MAPK10: variants seen among roughly 807,000 people sequenced by gnomAD.
MAPK10 encodes the protein mitogen-activated protein kinase 10, also known as JNK3 alpha protein kinase.
MAPK10 carries 25 observed loss-of-function variants against 59.3 expected under a neutral mutation model. That is an observed-to-expected ratio of 0.42 (90% CI 0.31 to 0.59). The LOEUF is 0.59. Ranked by LOEUF, MAPK10 falls within the 20% of genes least tolerant of loss-of-function variation. The probability of loss-of-function intolerance (pLI) is 0.15; values close to 1 mark genes in which losing one functional copy is unlikely to be tolerated. For missense variants in MAPK10, 351 were observed against 568.9 expected (o/e 0.62, Z 3.90); for synonymous variants, 190 against 200.5 (o/e 0.95, Z 0.44).
intron 1 of MAPK10, among the ~76,000 whole-genome samples, chr4:86,548,821 A>G (rs1471179951): frequency 1.3e-5 from 2 of 152,202 alleles, no homozygotes; most frequent in Non-Finnish European, 2.9e-5. Flanking sequence ...GAACAATAAG[A>G]CAGCTTAGAA....
At chr4:86,046,192 AG>A (rs2042464837) in intron 11 of MAPK10, among the ~76,000 whole-genome samples, 1 of 151,780 alleles carries the variant, frequency 6.6e-6, no homozygotes, top group South Asian at 2.1e-4. Context: ...TATCAGCTTA[AG>A]GAGATTTTGG....
intron 2 of MAPK10, among the ~76,000 whole-genome samples, chr4:86,238,198 G>T (rs2092428383): frequency 6.6e-6 from 1 of 152,030 alleles, no homozygotes; most frequent in Non-Finnish European, 1.5e-5. Flanking sequence ...CTGCTCTATT[G>T]GTCTATATGT....
At chr4:86,171,414 A>G (rs956362962) in intron 3 of MAPK10, among the ~76,000 whole-genome samples, 3 of 152,036 alleles carry the variant, frequency 2.0e-5, no homozygotes, top group African/African-American at 7.3e-5. Flanking sequence ...GCCCTCAGAA[A>G]TAACGCTGCA....
intron 2 of MAPK10, among the ~76,000 whole-genome samples, chr4:86,255,031 T>G (rs1386450736): frequency 6.6e-6 from 1 of 152,028 alleles, no homozygotes; most frequent in Admixed American, 6.6e-5. Flanking sequence ...GAGTAACATA[T>G]CCTTGGGATT....
At chr4:86,090,993 A>G (rs1474037238) in intron 9 of MAPK10, 3 of 152,056 alleles carry the variant, frequency 2.0e-5, no homozygotes, top group African/African-American at 4.8e-5. Context: ...CTTTCCAACT[A>G]TGTGACCTTG....
intron 2 of MAPK10, among the ~76,000 whole-genome samples, chr4:86,276,878 C>T (rs1237424422): frequency 6.6e-6 from 1 of 152,132 alleles, no homozygotes; most frequent in African/African-American, 2.4e-5. Flanking sequence ...AGTTGCAGCA[C>T]CAGGATTTGG....
chr4:86,246,938 G>C (rs1162086731), intron 2 of MAPK10, among the ~76,000 whole-genome samples: 3 of 152,204 alleles, frequency 2.0e-5, no homozygotes, highest in Non-Finnish European at 4.4e-5. Context: ...AACATCCCGT[G>C]ATGCTCCAGG....
intron 4 of MAPK10, among the ~76,000 whole-genome samples, chr4:86,117,204 T>A (rs1311050276): frequency 6.6e-6 from 1 of 151,806 alleles, no homozygotes. Context: ...AGCCCGAGAG[T>A]TCAAGACCAG....
chr4:86,543,195 T>C (rs1387817336), intron 1 of MAPK10, among the ~76,000 whole-genome samples: 2 of 152,108 alleles, frequency 1.3e-5, no homozygotes, highest in Admixed American at 1.3e-4. Context: ...AAGAAGTAGG[T>C]GCATTGAGAA....
At chr4:86,097,787 C>T (rs1344275212) in intron 9 of MAPK10, among the ~76,000 whole-genome samples, 1 of 151,954 alleles carries the variant, frequency 6.6e-6, no homozygotes, top group African/African-American at 2.4e-5. Flanking sequence ...TTTGATAATT[C>T]CAAATCATAG....
chr4:86,398,685 G>A (rs2149015503), intron 1 of MAPK10, among the ~76,000 whole-genome samples: 1 of 152,210 alleles, frequency 6.6e-6, no homozygotes. Context: ...CTGAAATTTA[G>A]GGTAAAATTG....
intron 3 of MAPK10, among the ~76,000 whole-genome samples, chr4:86,172,838 C>G (rs1182251989): frequency 6.6e-6 from 1 of 150,808 alleles, no homozygotes; most frequent in Non-Finnish European, 1.5e-5. Context: ...AAGCAGAGGG[C>G]CAAATCATGA....
intron 3 of MAPK10, among the ~76,000 whole-genome samples, chr4:86,184,013 T>G (rs1020604366): frequency 6.6e-6 from 1 of 152,208 alleles, no homozygotes; most frequent in African/African-American, 2.4e-5. Context: ...TAAATTTGTT[T>G]GAGTTCATTG....
intron 1 of MAPK10, among the ~76,000 whole-genome samples, chr4:86,506,966 T>C (rs556445989): frequency 6.6e-6 from 1 of 152,272 alleles, no homozygotes; most frequent in East Asian, 1.9e-4. Flanking sequence ...AGTATATATA[T>C]GCTTGAGGCT....
At chr4:86,143,486 C>T (rs1472812470) in intron 4 of MAPK10, among the ~76,000 whole-genome samples, 1 of 152,180 alleles carries the variant, frequency 6.6e-6, no homozygotes, top group African/African-American at 2.4e-5. Flanking sequence ...TTCCCTGGAA[C>T]TATGCAGGAA....
chr4:86,498,643 C>G (rs937399413), intron 1 of MAPK10, among the ~76,000 whole-genome samples: 1 of 152,184 alleles, frequency 6.6e-6, no homozygotes, highest in Non-Finnish European at 1.5e-5. Flanking sequence ...CATAACAGCA[C>G]TGCTATAATA....
chr4:86,102,074 T>C (rs1580273644), intron 6 of MAPK10, 42 bp from the exon 7 acceptor site: 1 of 1,584,216 alleles, frequency 6.3e-7, no homozygotes, highest in Non-Finnish European at 8.7e-7. Flanking sequence ...GATCACAAGA[T>C]CTATGAAGTC....
chr4:86,464,442 T>C (rs1752014914), intron 1 of MAPK10, among the ~76,000 whole-genome samples: 1 of 152,236 alleles, frequency 6.6e-6, no homozygotes, highest in African/African-American at 2.4e-5. Flanking sequence ...TCCACACAAT[T>C]AATTGAAAAT....
At chr4:86,410,439 C>G (rs1744992676) in intron 1 of MAPK10, among the ~76,000 whole-genome samples, 1 of 152,198 alleles carries the variant, frequency 6.6e-6, no homozygotes, top group Non-Finnish European at 1.5e-5. Flanking sequence ...GGAGGATTCC[C>G]TCTTTTTCTA....
Sources: allele counts gnomAD v4.1 joint callset (sites outside exome capture counted in the v4.1 genomes callset), GRCh38; gene constraint gnomAD v4.1.1; transcripts MANE v1.5; gene names NCBI Gene and HGNC (gene_info 2026-07-23, HGNC 2026-07-21).